Variants in RSRC1 observed in about 807,000 individuals in gnomAD.
RSRC1 encodes the protein arginine and serine rich coiled-coil 1, also known as serine/Arginine-related protein 53.
Under a neutral mutation model 49.1 loss-of-function variants are expected in RSRC1, and 39 were observed. The ratio of observed to expected loss-of-function variants is 0.79; its 90% CI spans 0.61 to 1.04. RSRC1 has a LOEUF of 1.04. Ranked by LOEUF, RSRC1 falls within the 50% of genes least tolerant of loss-of-function variation. RSRC1 has a pLI of 0.00. For missense variants in RSRC1, 388 were observed against 402.4 expected (o/e 0.96, Z 0.31); for synonymous variants, 143 against 130.8 (o/e 1.09, Z -0.63).
intron 4 of RSRC1, among the ~76,000 whole-genome samples, chr3:158,297,544 A>G (rs181224574): frequency 6.6e-6 from 1 of 152,092 alleles, no homozygotes; most frequent in African/African-American, 2.4e-5. Flanking sequence ...TTAGCTGTGT[A>G]CTCACTAATG....
chr3:158,287,415 A>G (rs1726636934), intron 4 of RSRC1, among the ~76,000 whole-genome samples: 1 of 152,130 alleles, frequency 6.6e-6, no homozygotes, highest in Admixed American at 6.6e-5. Context: ...TACTAGGTTT[A>G]TTTCTGCTTA....
At chr3:158,301,990 T>TC (rs1313731922) in intron 5 of RSRC1, among the ~76,000 whole-genome samples, 1 of 78,332 alleles carries the variant, frequency 1.3e-5, no homozygotes, top group Non-Finnish European at 2.6e-5. Context: ...GGGGTTTTTT[T>TC]GTTTTTTTTT....
chr3:158,531,990 G>GT (rs10553286), intron 7 of RSRC1, among the ~76,000 whole-genome samples: 1 of 151,360 alleles, frequency 6.6e-6, no homozygotes, highest in Non-Finnish European at 1.5e-5. Flanking sequence ...ACATTTCAAA[G>GT]TTTTTTATTA....
intron 3 of RSRC1, among the ~76,000 whole-genome samples, chr3:158,173,258 G>A (rs1718988137): frequency 6.6e-6 from 1 of 151,906 alleles, no homozygotes; most frequent in Non-Finnish European, 1.5e-5. Flanking sequence ...TGGGGCTGGA[G>A]CAGGCAGACC....
rs565413441 is a variant in RSRC1 at position 158,124,547 on chromosome 3, C to G, written c.320+556C>G. On this transcript the variant is annotated intron_variant, in intron 3 of 9. Coordinates refer to ENST00000611884, the MANE Select transcript of RSRC1 (RefSeq NM_001271838.2). Reference sequence around the variant, plus strand: ...GAATTCTGCAGTGAAGCTATCTGCTCCTGGGCTTTTCTTTGTTAGAAGGTT... The same window carrying G: ...GAATTCTGCAGTGAAGCTATCTGCTGCTGGGCTTTTCTTTGTTAGAAGGTT... Among the ~76,000 whole-genome samples the G allele has an allele frequency of 2.0e-5, 3 of 152,158 alleles. No individual in the cohort carries two copies. In the East Asian group the frequency reaches 5.8e-4, roughly 29 times the overall value.
chr3:158,238,755 A>G (rs1022898029), intron 4 of RSRC1, among the ~76,000 whole-genome samples: 1 of 152,224 alleles, frequency 6.6e-6, no homozygotes, highest in Non-Finnish European at 1.5e-5. Flanking sequence ...ACCTGAAACT[A>G]TGAAAACCCT....
At chr3:158,116,045 C>A (rs1434959487) in intron 1 of RSRC1, among the ~76,000 whole-genome samples, 1 of 152,152 alleles carries the variant, frequency 6.6e-6, no homozygotes, top group Non-Finnish European at 1.5e-5. Flanking sequence ...CTGAGTTAGG[C>A]ATATCTTTCT....
chr3:158,392,692 A>G (rs1733384991), intron 6 of RSRC1, among the ~76,000 whole-genome samples: 1 of 152,114 alleles, frequency 6.6e-6, no homozygotes, highest in Non-Finnish European at 1.5e-5. Context: ...GTTTTTAGAG[A>G]TCTACAAAGA....
intron 6 of RSRC1, among the ~76,000 whole-genome samples, chr3:158,369,441 T>C (rs1731949486): frequency 1.3e-5 from 2 of 152,108 alleles, no homozygotes; most frequent in Non-Finnish European, 2.9e-5. Context: ...TTTTGTGATG[T>C]AAAAATGGTT....
At chr3:158,259,893 A>C (rs1724792282) in intron 4 of RSRC1, among the ~76,000 whole-genome samples, 1 of 152,012 alleles carries the variant, frequency 6.6e-6, no homozygotes, top group South Asian at 2.1e-4. Context: ...CCTGGCTATC[A>C]TCAATGCTCA....
chr3:158,210,302 T>C (rs1721598264), intron 4 of RSRC1, among the ~76,000 whole-genome samples: 1 of 152,060 alleles, frequency 6.6e-6, no homozygotes, highest in African/African-American at 2.4e-5. Flanking sequence ...ACACTTCCAA[T>C]GTGACAGCAG....
Position 158,135,789 on chromosome 3 carries a change from T to C in RSRC1, c.320+11798T>C, listed in dbSNP as rs944385815. On this transcript the variant is annotated intron_variant, in intron 3 of 9. Transcript: ENST00000611884. ...CTTTTCAATCACATCTTTCCAATGC[T>C]AGTCATACTTGTAGTGTTTAAACAG... Among the ~76,000 whole-genome samples the C allele has an allele frequency of 6.6e-5, 10 of 152,222 alleles. No individual in the cohort carries two copies. The South Asian group carries it at 2.1e-3, about 32-fold the overall frequency.
At chr3:158,115,659 A>G (rs1428018995) in intron 1 of RSRC1, among the ~76,000 whole-genome samples, 1 of 152,192 alleles carries the variant, frequency 6.6e-6, no homozygotes, top group African/African-American at 2.4e-5. Flanking sequence ...ACTTAGTGAG[A>G]AAAGTGGCCT....
chr3:158,476,431 A>G (rs1405598710), intron 7 of RSRC1, among the ~76,000 whole-genome samples: 1 of 152,120 alleles, frequency 6.6e-6, no homozygotes, highest in African/African-American at 2.4e-5. Context: ...TCTGATGTCA[A>G]AGCTTCGAAG....
chr3:158,330,878 G>A (rs1410195446), intron 5 of RSRC1, among the ~76,000 whole-genome samples: 2 of 117,962 alleles, frequency 1.7e-5, no homozygotes, highest in African/African-American at 3.2e-5. Context: ...CCTGAGACTG[G>A]GTAACTTATT....
intron 3 of RSRC1, among the ~76,000 whole-genome samples, chr3:158,156,639 G>A (rs1717895729): frequency 6.6e-6 from 1 of 151,978 alleles, no homozygotes. Context: ...CCATTGAAGG[G>A]TTATTAACTG....
chr3:158,198,353 C>T (rs1220323661), intron 3 of RSRC1, among the ~76,000 whole-genome samples: 4 of 152,102 alleles, frequency 2.6e-5, no homozygotes, highest in African/African-American at 9.7e-5. Context: ...GGTAGATCTT[C>T]CTCCATCCCT....
intron 1 of RSRC1, among the ~76,000 whole-genome samples, chr3:158,114,153 A>G (rs1714628221): frequency 6.6e-6 from 1 of 152,286 alleles, no homozygotes; most frequent in South Asian, 2.1e-4. Flanking sequence ...TCTTTAATCT[A>G]TCTTGAGTTA....
At chr3:158,446,818 CAT>C (rs1480437627) in intron 6 of RSRC1, among the ~76,000 whole-genome samples, 1 of 151,956 alleles carries the variant, frequency 6.6e-6, no homozygotes, top group Non-Finnish European at 1.5e-5. Context: ...TAGTAAAGGT[CAT>C]ATGTTGGTTC....
Sources: gnomAD v4.1 joint callset for allele counts (sites outside exome capture counted in the v4.1 genomes callset) on GRCh38, gnomAD v4.1.1 for gene constraint, MANE v1.5 for transcripts, NCBI Gene and HGNC (gene_info 2026-07-23, HGNC 2026-07-21) for gene names.